The following WDPCP variants were observed in gnomAD, a reference collection of about 807,000 sequenced individuals.
The protein encoded by WDPCP is WD repeat containing planar cell polarity effector.
Under a neutral mutation model 93.1 loss-of-function variants are expected in WDPCP, and 71 were observed. The ratio of observed to expected loss-of-function variants is 0.76; its 90% CI spans 0.63 to 0.93. The LOEUF (loss-of-function observed/expected upper bound fraction) is 0.93. WDPCP is among the 40% of genes least tolerant of loss of function. The pLI is 0.00. For synonymous variants in WDPCP, 315 were observed against 315.0 expected (o/e 1.00, Z 0.00); for missense variants, 844 against 887.4 (o/e 0.95, Z 0.62).
chr2:63,381,793 T>A (rs996701711), intron 11 of WDPCP, 113 bp downstream of exon 11: 33 of 1,119,710 alleles, frequency 2.9e-5, no homozygotes, highest in Non-Finnish European at 3.7e-5. Context: ...CACTAACATT[T>A]TTATCATTTA....
chr2:63,188,539 G>A (rs1043360634), intron 14 of WDPCP, among the ~76,000 whole-genome samples: 3 of 150,488 alleles, frequency 2.0e-5, no homozygotes, highest in South Asian at 2.1e-4. Context: ...TTGCTATGTT[G>A]CCCAGGCTAG....
intron 14 of WDPCP, among the ~76,000 whole-genome samples, chr2:63,218,566 G>C (rs1006120708): frequency 3.9e-5 from 6 of 152,066 alleles, no homozygotes; most frequent in African/African-American, 1.4e-4. Context: ...GCCTCGCTCT[G>C]TTACCCAGGC....
chr2:63,589,007 T>C, upstream of WDPCP: 1 of 1,614,104 alleles, frequency 6.2e-7, no homozygotes, highest in Non-Finnish European at 8.5e-7. Flanking sequence ...TGAGGCTCAT[T>C]TTGCAGTTGT....
chr2:63,815,888 T>G (rs2104106159), intron 1 of WDPCP, among the ~76,000 whole-genome samples: 2 of 144,726 alleles, frequency 1.4e-5, no homozygotes, highest in South Asian at 4.8e-4. Flanking sequence ...TGTTGTTGTT[T>G]ATTTTTTGCT....
At chr2:63,165,184 A>G (rs544669550) in intron 15 of WDPCP, among the ~76,000 whole-genome samples, 1 of 152,256 alleles carries the variant, frequency 6.6e-6, no homozygotes, top group East Asian at 1.9e-4. Context: ...TAAAAAATAT[A>G]TTGTTTTTCT....
intron 12 of WDPCP, among the ~76,000 whole-genome samples, chr2:63,350,476 CAA>C (rs33962210): frequency 0.027 from 3,898 of 143,874 alleles, 52 homozygotes; most frequent in Middle Eastern, 0.057. Context: ...CAACGAAACC[CAA>C]AAAAAAAAAA....
At chr2:63,777,372 T>C (rs955692392) in intron 2 of WDPCP, among the ~76,000 whole-genome samples, 1 of 152,172 alleles carries the variant, frequency 6.6e-6, no homozygotes, top group African/African-American at 2.4e-5. Context: ...GAGCGTAAAA[T>C]GTCACAGCCA....
At chr2:63,342,410 G>A (rs1340089321) in intron 12 of WDPCP, among the ~76,000 whole-genome samples, 2 of 152,022 alleles carry the variant, frequency 1.3e-5, no homozygotes, top group Non-Finnish European at 2.9e-5. Flanking sequence ...TCTACCATTC[G>A]CTATGTCTTC....
In WDPCP at chr2:63,506,779, A is replaced by G. The variant is rs79990449; in HGVS notation, c.76-13839T>C. Among the ~76,000 whole-genome samples the G allele has an allele frequency of 1.4e-3, 210 of 152,234 alleles. 5 individuals are homozygous for G. In the East Asian group the frequency reaches 0.036, roughly 26 times the overall value. ...CAATGATCTCTCCCTACCACAGAAGAAAATTGAAAATGGACTCGTGAGAGG... is the reference window on the plus strand; with the variant it reads ...CAATGATCTCTCCCTACCACAGAAGGAAATTGAAAATGGACTCGTGAGAGG... On this transcript the variant is annotated intron_variant, in intron 1 of 17. Transcript: ENST00000272321.
intron 12 of WDPCP, among the ~76,000 whole-genome samples, chr2:63,336,895 C>CTTTTT (rs70965120): frequency 7.4e-5 from 9 of 122,336 alleles, no homozygotes; most frequent in East Asian, 2.3e-4. Flanking sequence ...ATGAGAGTCA[C>CTTTTT]TTTTTTTTTT....
intron 13 of WDPCP, among the ~76,000 whole-genome samples, chr2:63,287,133 C>T (rs1465205850): frequency 6.6e-6 from 1 of 152,140 alleles, no homozygotes; most frequent in Non-Finnish European, 1.5e-5. Context: ...CTTGTAAGGA[C>T]ACCAGTCATA....
chr2:63,270,175 G>A (rs988338681), intron 13 of WDPCP, among the ~76,000 whole-genome samples: 1 of 152,212 alleles, frequency 6.6e-6, no homozygotes, highest in African/African-American at 2.4e-5. Flanking sequence ...AGTCTTTCTT[G>A]TATTAGGTCA....
At chr2:63,676,683 G>C (rs1710406487) in intron 2 of WDPCP, among the ~76,000 whole-genome samples, 2 of 152,052 alleles carry the variant, frequency 1.3e-5, no homozygotes, top group Non-Finnish European at 2.9e-5. Context: ...AAAGAGGATG[G>C]GTATGGCTAT....
intron 13 of WDPCP, among the ~76,000 whole-genome samples, chr2:63,299,905 C>T (rs1384071126): frequency 6.6e-6 from 1 of 152,110 alleles, no homozygotes; most frequent in East Asian, 1.9e-4. Context: ...TGAATGCCGG[C>T]AGGAACTAAG....
intron 3 of WDPCP, chr2:63,597,574 G>A (rs1220589654): frequency 7.2e-7 from 1 of 1,397,736 alleles, no homozygotes; most frequent in African/African-American, 1.5e-5. Flanking sequence ...AGTCAGTTAA[G>A]GTGACCAATG....
chr2:63,153,471 C>G (rs535739534), intron 16 of WDPCP, 24 bp downstream of exon 16: 1 of 1,566,702 alleles, frequency 6.4e-7, no homozygotes, highest in Non-Finnish European at 8.8e-7. Context: ...ACTTTGAATA[C>G]TTGGGTGTCT....
chr2:63,212,897 GA>G (rs2104422579), intron 14 of WDPCP, among the ~76,000 whole-genome samples: 1 of 152,000 alleles, frequency 6.6e-6, no homozygotes, highest in African/African-American at 2.4e-5. Flanking sequence ...TAATGGTAAA[GA>G]GATCAATTCA....
At chr2:63,273,270 GGAT>G (rs1682796235) in intron 13 of WDPCP, among the ~76,000 whole-genome samples, 1 of 152,104 alleles carries the variant, frequency 6.6e-6, no homozygotes, top group South Asian at 2.1e-4. Context: ...GGAAGCAAAA[GGAT>G]GATATCTACC....
intron 2 of WDPCP, among the ~76,000 whole-genome samples, chr2:63,783,614 T>C (rs543819158): frequency 6.6e-6 from 1 of 152,242 alleles, no homozygotes; most frequent in South Asian, 2.1e-4. Context: ...AAATAATGTC[T>C]TTTGCAGCTA....
Sources: gnomAD v4.1 joint callset for allele counts (sites outside exome capture counted in the v4.1 genomes callset) on GRCh38, gnomAD v4.1.1 for gene constraint, MANE v1.5 for transcripts, NCBI Gene and HGNC (gene_info 2026-07-23, HGNC 2026-07-21) for gene names.